Variants in PAIP2B observed in about 807,000 individuals in gnomAD.
PAIP2B encodes the protein poly(A) binding protein interacting protein 2B, also known as polyadenylate-binding protein-interacting protein 2B.
In PAIP2B, 13 loss-of-function variants were observed where a neutral mutation model predicts 17.0. That is an observed-to-expected ratio of 0.76 (90% CI 0.50 to 1.22). The LOEUF (loss-of-function observed/expected upper bound fraction) is 1.22, where lower values mean the gene tolerates loss of function less well. Among genes scored for constraint, PAIP2B ranks in the 50% most tolerant of loss-of-function variants. The pLI, the probability that PAIP2B is intolerant of heterozygous loss-of-function variation, is 0.00. For synonymous variants in PAIP2B, 43 were observed against 48.7 expected (o/e 0.88, Z 0.48); for missense variants, 117 against 144.5 (o/e 0.81, Z 0.98).
rs1196332245 is a variant in PAIP2B, at chr2:71,222,041, G to A, written c.-12+4887C>T. Among the ~76,000 whole-genome samples, 7 of 152,312 alleles carry A rather than the reference G, an allele frequency of 4.6e-5. No homozygotes were observed. The South Asian group carries it at 1.5e-3, about 32-fold the overall frequency. ...ACCTGCTGGGGTCCCCTTCCAGGCT[G>A]TGGAAGCTTTGTTCTTTCACTCTTC... On this transcript the variant is annotated intron_variant, in intron 1 of 3. Coordinates refer to ENST00000244221, the MANE Select transcript of PAIP2B (RefSeq NM_020459.1).
rs181680263 is a variant in PAIP2B, at chr2:71,221,857, C to T, written c.-12+5071G>A. Among the ~76,000 whole-genome samples the T allele has an allele frequency of 4.7e-5, 7 of 149,994 alleles. No individual in the cohort carries two copies. In the South Asian group the frequency reaches 6.2e-4, roughly 13 times the overall value. ...GCACCAGTCAGCGCTCTGCAAAATG[C>T]GCCAATCAGCGCTCTGTAAAATGCA... is the stretch of plus-strand genomic sequence containing the variant. On this transcript the variant is annotated intron_variant, in intron 1 of 3. Transcript: ENST00000244221.
chr2:71,214,401 C>T (rs1457443231), intron 1 of PAIP2B, among the ~76,000 whole-genome samples: 1 of 152,158 alleles, frequency 6.6e-6, no homozygotes, highest in Non-Finnish European at 1.5e-5. Context: ...AAACACAAAC[C>T]AATCACAGCA....
chr2:71,206,469 GGT>G, intron 1 of PAIP2B, among the ~76,000 whole-genome samples: 1 of 152,140 alleles, frequency 6.6e-6, no homozygotes, highest in African/African-American at 2.4e-5. Flanking sequence ...TCAATACAGG[GGT>G]GCTAAGGCCT....
In PAIP2B at chr2:71,209,048, C is replaced by A. The variant is rs959143492; in HGVS notation, c.-11-6448G>T. Among the ~76,000 whole-genome samples the A allele has an allele frequency of 4.6e-5, 7 of 152,274 alleles. No individual in the cohort carries two copies. The East Asian group carries it at 7.7e-4, about 17-fold the overall frequency. ...ATCCAATTCCAGTAAAGTAGGAATA[C>A]AGAAGGCTGCTGAAAGGTCAAGTAG... On this transcript the variant is annotated intron_variant, in intron 1 of 3. Coordinates refer to ENST00000244221, the MANE Select transcript of PAIP2B (RefSeq NM_020459.1).
Position 71,188,470 on chromosome 2 carries a change from T to C in PAIP2B, c.*9A>G, listed in dbSNP as rs1166519767. On this transcript the variant is annotated 3_prime_UTR_variant, in exon 4 of 4. Coordinates refer to ENST00000244221, the MANE Select transcript of PAIP2B (RefSeq NM_020459.1). ...GGGACAGACAAGTCTTCCTCAAAGC[T>C]TTCTCGGCTCAGTACTTCTCTCCTG... The C allele has an allele frequency of 1.2e-6, 2 of 1,605,720 alleles. No individual in the cohort carries two copies. Among genetic ancestry groups the C allele is most frequent in the Non-Finnish European group, 1.7e-6 (2 of 1,175,418 alleles).
chr2:71,212,720 C>CCAGAT (rs1675332486), intron 1 of PAIP2B, among the ~76,000 whole-genome samples: 1 of 152,050 alleles, frequency 6.6e-6, no homozygotes. Flanking sequence ...TCCCAAAGTG[C>CCAGAT]TGAGATAACA....
intron 1 of PAIP2B, 66 bp from the exon 2 acceptor site, chr2:71,202,666 A>G: frequency 7.4e-7 from 1 of 1,348,596 alleles, no homozygotes. Context: ...GACCTAAAAC[A>G]TGCAGATTCT....
chr2:71,205,744 C>T (rs1675109227), intron 1 of PAIP2B, among the ~76,000 whole-genome samples: 1 of 152,212 alleles, frequency 6.6e-6, no homozygotes, highest in East Asian at 1.9e-4. Flanking sequence ...ACTTGATCCT[C>T]ATCCACACCA....
chr2:71,203,702 A>T (rs991349588), intron 1 of PAIP2B, among the ~76,000 whole-genome samples: 3 of 151,592 alleles, frequency 2.0e-5, no homozygotes, highest in African/African-American at 7.2e-5. Context: ...TTGTAAAAAC[A>T]TTTATTATAT....
At chr2:71,216,641 T>C (rs1158340165) in intron 1 of PAIP2B, among the ~76,000 whole-genome samples, 1 of 152,192 alleles carries the variant, frequency 6.6e-6, no homozygotes, top group Non-Finnish European at 1.5e-5. Flanking sequence ...TTGTTATAAA[T>C]GCGAATTCTC....
intron 2 of PAIP2B, among the ~76,000 whole-genome samples, chr2:71,199,386 G>C (rs1377584230): frequency 6.7e-6 from 1 of 150,280 alleles, no homozygotes; most frequent in African/African-American, 2.4e-5. Context: ...ACACCCAACG[G>C]GAAAATGACA....
chr2:71,214,085 C>T (rs1321654650), intron 1 of PAIP2B, among the ~76,000 whole-genome samples: 3 of 152,156 alleles, frequency 2.0e-5, no homozygotes, highest in Non-Finnish European at 4.4e-5. Context: ...AAGTGATCCT[C>T]CCACCTCATC....
rs371409563 is a variant in PAIP2B, at chr2:71,198,977, C to T, written c.138+3475G>A. On this transcript the variant is annotated intron_variant, in intron 2 of 3. Coordinates refer to ENST00000244221, the MANE Select transcript of PAIP2B (RefSeq NM_020459.1). ...TCTTTGTTCCTATTCATATTCTGAA[C>T]ACTGTGGAAATGACAACGAAGGATT... 1.1e-3 allele frequency among the ~76,000 whole-genome samples: 175 copies of T among 152,230 alleles called. 2 individuals carry two copies. In the South Asian group the frequency reaches 0.036, roughly 31 times the overall value.
At chr2:71,203,311 T>C (rs1675033642) in intron 1 of PAIP2B, among the ~76,000 whole-genome samples, 1 of 150,976 alleles carries the variant, frequency 6.6e-6, no homozygotes, top group Admixed American at 6.8e-5. Context: ...TGGGGGTGTT[T>C]CCAATGTTTC....
intron 2 of PAIP2B, among the ~76,000 whole-genome samples, chr2:71,200,997 TTGTGTGTGTGGG>T (rs1190450959): frequency 9.1e-4 from 102 of 111,532 alleles, no homozygotes; most frequent in African/African-American, 3.2e-3. Flanking sequence ...CTCAATCTCT[TTGTGTGTGTGGG>T]TGTGTGTGTG....
In PAIP2B at chr2:71,186,478, C is replaced by T. The variant is rs532640836; in HGVS notation, c.*2001G>A. Reference sequence around the variant, plus strand: ...GACTGACATCCAAAACAGACCAGCACAGCAGAAGGAAAGACAAGCTCCTTT... The same window carrying T: ...GACTGACATCCAAAACAGACCAGCATAGCAGAAGGAAAGACAAGCTCCTTT... On this transcript the variant is annotated 3_prime_UTR_variant, in exon 4 of 4. Coordinates refer to ENST00000244221, the MANE Select transcript of PAIP2B (RefSeq NM_020459.1). The T allele has an allele frequency of 1.3e-5, 2 of 152,236 alleles. No individual in the cohort carries two copies. Among genetic ancestry groups the T allele is most frequent in the East Asian group, 3.8e-4 (2 of 5,202 alleles). 9.4% of individuals were successfully genotyped at this position (152,236 alleles called of 1,614,324 possible).
In PAIP2B at chr2:71,188,542, T is replaced by C. The variant is rs1558770548; in HGVS notation, c.316-7A>G. ...GGTTCAGGTTACTTTTGCTCTGAAA[T>C]AAGAACCAAGAGATAGTAAATCCTA... On this transcript the variant is annotated splice_region_variant and splice_polypyrimidine_tract_variant and intron_variant, in intron 3 of 3. Coordinates refer to ENST00000244221, the MANE Select transcript of PAIP2B (RefSeq NM_020459.1). 1 of 1,602,394 alleles carries C rather than the reference T, an allele frequency of 6.2e-7. No individual in the cohort carries two copies. Among genetic ancestry groups the C allele is most frequent in the South Asian group, 1.1e-5 (1 of 88,600 alleles).
At chr2:71,221,047 C>G (rs1043395266) in intron 1 of PAIP2B, among the ~76,000 whole-genome samples, 3 of 152,184 alleles carry the variant, frequency 2.0e-5, no homozygotes, top group Non-Finnish European at 4.4e-5. Flanking sequence ...TGTAATCATT[C>G]CCAGAATTCA....
Position 71,208,439 on chromosome 2 carries a change from A to G in PAIP2B, c.-11-5839T>C, listed in dbSNP as rs889325635. Among the ~76,000 whole-genome samples, 8 of 151,932 alleles carry G rather than the reference A, an allele frequency of 5.3e-5. No homozygotes were observed. The East Asian group carries it at 1.6e-3, about 30-fold the overall frequency. On this transcript the variant is annotated intron_variant, in intron 1 of 3. Coordinates refer to ENST00000244221, the MANE Select transcript of PAIP2B (RefSeq NM_020459.1). ...CTCCATTTCACCCCCCCAAAAAAAA[A>G]AGTCAAGTAGAGGAGGAAGGCAACA...
Sources: allele counts gnomAD v4.1 joint callset (sites outside exome capture counted in the v4.1 genomes callset), GRCh38; gene constraint gnomAD v4.1.1; transcripts MANE v1.5; gene names NCBI Gene and HGNC (gene_info 2026-07-23, HGNC 2026-07-21).